PLEK: variants seen among roughly 807,000 people sequenced by gnomAD.
The protein encoded by PLEK is pleckstrin, also known as platelet 47 kDa protein.
Under a neutral mutation model 43.9 loss-of-function variants are expected in PLEK, and 25 were observed. The ratio of observed to expected loss-of-function variants is 0.57; its 90% CI spans 0.41 to 0.79. PLEK has a LOEUF of 0.79. Ranked by LOEUF, PLEK falls within the 30% of genes least tolerant of loss-of-function variation. The pLI is 0.00. For missense variants in PLEK, 396 were observed against 413.3 expected, an observed-to-expected ratio of 0.96 and a Z score of 0.36; for synonymous variants, 152 against 144.4, an observed-to-expected ratio of 1.05 and a Z score of -0.38.
chr2:68,368,119 C>G (rs567782513), intron 1 of PLEK, among the ~76,000 whole-genome samples: 4 of 152,174 alleles, frequency 2.6e-5, no homozygotes, highest in African/African-American at 9.7e-5. Flanking sequence ...TCCAGGTTTC[C>G]TCTTTTGCCT....
chr2:68,382,623 C>G lies in PLEK; in HGVS notation c.462C>G (p.His154Gln), dbSNP rs1300938597. The change falls in exon 4 of 9, where the codon CAC (histidine) becomes CAG (glutamine). Residue 154 changes from histidine (H) to glutamine (Q), a missense_variant. Transcript: ENST00000234313. ...NLEKDKKIFN[H>Q]CFTGNCVIDW... ...AGAAGGACAAGAAGATTTTTAATCA[C>G]TGCTTCACAGGTAAAAGCACTTGCA... The G allele has an allele frequency of 3.2e-6, 5 of 1,586,414 alleles. No individual in the cohort carries two copies. The highest frequency in any genetic ancestry group is 4.3e-6 in the Non-Finnish European group (5 of 1,155,008).
chr2:68,381,890 G>A (rs1007156267), intron 3 of PLEK, among the ~76,000 whole-genome samples: 3 of 152,182 alleles, frequency 2.0e-5, no homozygotes, highest in African/African-American at 7.2e-5. Context: ...GGCCAGTGCT[G>A]TCAGAACTAA....
intron 1 of PLEK, among the ~76,000 whole-genome samples, chr2:68,370,298 T>C (rs1673373681): frequency 6.6e-6 from 1 of 152,126 alleles, no homozygotes; most frequent in Non-Finnish European, 1.5e-5. Context: ...TAAACACAAA[T>C]ATCCGATTGC....
chr2:68,381,735 C>T (rs1673622167), intron 3 of PLEK, among the ~76,000 whole-genome samples: 1 of 152,172 alleles, frequency 6.6e-6, no homozygotes, highest in Non-Finnish European at 1.5e-5. Flanking sequence ...CTTGGCATGG[C>T]ACAGGAGTTT....
rs963119732 is a variant in PLEK, at chr2:68,395,836, C to T, written c.*20C>T. ...AAGTAAAGAGACTCCTGCATTCCTC[C>T]TCCCCTCCTGAGGGAAGCCCATGGA... is the stretch of plus-strand genomic sequence containing the variant. On this transcript the variant is annotated 3_prime_UTR_variant, in exon 9 of 9. Transcript: ENST00000234313. 6.2e-7 allele frequency: 1 copy of T among 1,608,096 alleles called. No individual in the cohort carries two copies. Among genetic ancestry groups the T allele is most frequent in the Non-Finnish European group, 8.5e-7 (1 of 1,174,832 alleles).
At position 68,389,265 on chromosome 2, in the gene PLEK, A is replaced by G. The variant is rs539677986; in HGVS notation, c.762+774A>G. Among the ~76,000 whole-genome samples the G allele has an allele frequency of 2.0e-5, 3 of 152,346 alleles. No homozygotes were observed. The South Asian group carries it at 6.2e-4, about 32-fold the overall frequency. On this transcript the variant is annotated intron_variant, in intron 6 of 8. Coordinates refer to ENST00000234313, the MANE Select transcript of PLEK (RefSeq NM_002664.3). ...AATATTCAGGGGGAAGCTAGTTGAT[A>G]CTTGCACAAGGCATCTTAGAGGCCA...
intron 1 of PLEK, among the ~76,000 whole-genome samples, chr2:68,376,641 G>T (rs993646111): frequency 1.3e-5 from 2 of 151,166 alleles, no homozygotes; most frequent in South Asian, 2.1e-4. Flanking sequence ...AATTTTTGTG[G>T]GTGCATAGTA....
At chr2:68,379,976 C>T (rs751231659) in intron 1 of PLEK, among the ~76,000 whole-genome samples, 1 of 152,064 alleles carries the variant, frequency 6.6e-6, no homozygotes, top group East Asian at 1.9e-4. Flanking sequence ...GCAGGAGGCA[C>T]CCCTGAGATC....
At position 68,365,409 on chromosome 2, in the gene PLEK, A is replaced by G. The variant is rs1346950071; in HGVS notation, c.42+16A>G. The G allele has an allele frequency of 1.9e-6, 3 of 1,609,484 alleles. No homozygotes were observed. Among genetic ancestry groups the G allele is most frequent in the Non-Finnish European group, 2.6e-6 (3 of 1,175,952 alleles). On this transcript the variant is annotated intron_variant, in intron 1 of 8. Coordinates refer to ENST00000234313, the MANE Select transcript of PLEK (RefSeq NM_002664.3). Reference sequence around the variant, plus strand: ...TGTGAAGAAGGTGAGCGAAGGTGCCACTTACCAGGGTGTCAGTGGACATGG... The same window carrying G: ...TGTGAAGAAGGTGAGCGAAGGTGCCGCTTACCAGGGTGTCAGTGGACATGG...
intron 7 of PLEK, 117 bp downstream of exon 7, chr2:68,393,362 AC>A (rs1346129393): frequency 1.4e-6 from 1 of 710,236 alleles, no homozygotes; most frequent in African/African-American, 1.8e-5. Flanking sequence ...TTACTGGCCC[AC>A]TTTTTTTTCT....
chr2:68,370,799 A>G (rs1003965140), intron 1 of PLEK, among the ~76,000 whole-genome samples: 5 of 152,132 alleles, frequency 3.3e-5, no homozygotes, highest in African/African-American at 1.2e-4. Context: ...TTAATTTTAC[A>G]TCCCAACAAC....
At chr2:68,371,823 T>C (rs17035378) in intron 1 of PLEK, among the ~76,000 whole-genome samples, 52,462 of 151,868 alleles carry the variant, frequency 0.35, 10,038 homozygotes, top group East Asian at 0.73. Flanking sequence ...CCACATCAAA[T>C]TGCTGACTCA....
Position 68,382,569 on chromosome 2 carries a change from T to G in PLEK, c.408T>G (p.Thr136=), listed in dbSNP as rs781074184. The G allele has an allele frequency of 1.3e-6, 2 of 1,599,360 alleles. No homozygotes were observed. The highest frequency in any genetic ancestry group is 2.7e-5 in the African/African-American group (2 of 74,728). The part of the protein sequence containing the change: ...LGALYLSMKD[T]EKGIKELNLE... ...CCTTATATTTGTCCATGAAAGACAC[T>G]GAAAAAGGAATAAAAGAACTGAATC... Residue 136 remains threonine, a synonymous_variant, in exon 4 of 9, where the codon ACT becomes ACG. Coordinates refer to ENST00000234313, the MANE Select transcript of PLEK (RefSeq NM_002664.3).
chr2:68,379,432 C>A (rs935661682), intron 1 of PLEK, among the ~76,000 whole-genome samples: 1 of 152,212 alleles, frequency 6.6e-6, no homozygotes, highest in East Asian at 1.9e-4. Context: ...ACCCTTCCAA[C>A]CGAACACCAA....
chr2:68,370,737 T>C (rs1427415917), intron 1 of PLEK, among the ~76,000 whole-genome samples: 1 of 152,162 alleles, frequency 6.6e-6, no homozygotes, highest in Non-Finnish European at 1.5e-5. Flanking sequence ...CCACCCGCCT[T>C]GGCCTCCCAA....
intron 1 of PLEK, among the ~76,000 whole-genome samples, chr2:68,366,690 CT>C (rs1221241989): frequency 6.6e-6 from 1 of 152,184 alleles, no homozygotes; most frequent in Non-Finnish European, 1.5e-5. Context: ...TCGAAACATC[CT>C]TTGGAAAAGA....
intron 1 of PLEK, among the ~76,000 whole-genome samples, chr2:68,377,121 T>C (rs565992812): frequency 4.6e-5 from 7 of 152,358 alleles, no homozygotes; most frequent in South Asian, 4.1e-4. Context: ...TATGGCAAAG[T>C]AGCCCTCCAT....
At position 68,381,211 on chromosome 2, in the gene PLEK, A is replaced by G. The variant is rs143193787; in HGVS notation, c.380+307A>G. On this transcript the variant is annotated intron_variant, in intron 3 of 8. Coordinates refer to ENST00000234313, the MANE Select transcript of PLEK (RefSeq NM_002664.3). ...ATAGCCATAATAAGTCAGTCTTGAA[A>G]TAAAGCTTTAGGATCTTTAGGTAGA... Among the ~76,000 whole-genome samples the G allele has an allele frequency of 1.6e-3, 250 of 152,354 alleles. 1 individual carries two copies. Among genetic ancestry groups the G allele is most frequent in the African/African-American group, 5.9e-3 (244 of 41,586 alleles).
At chr2:68,365,504 T>C in intron 1 of PLEK, 111 bp downstream of exon 1, 2 of 885,950 alleles carry the variant, frequency 2.3e-6, no homozygotes, top group East Asian at 2.5e-5. Flanking sequence ...TTCAACCAGT[T>C]GGGTTGAAAT....
Sources: gnomAD v4.1 joint callset for allele counts (sites outside exome capture counted in the v4.1 genomes callset) on GRCh38, gnomAD v4.1.1 for gene constraint, MANE v1.5 for transcripts, NCBI Gene and HGNC (gene_info 2026-07-23, HGNC 2026-07-21) for gene names.